PMP2: variants seen among roughly 807,000 people sequenced by gnomAD.
The protein encoded by PMP2 is myelin P2 protein.
A neutral mutation model predicts 15.9 loss-of-function variants in PMP2; 11 were observed. That is an observed-to-expected ratio of 0.69 (90% CI 0.44 to 1.14). PMP2 has a LOEUF of 1.14. Ranked by LOEUF, PMP2 falls within the 50% of genes most tolerant of loss-of-function variation. The pLI is 0.00. For missense variants in PMP2, 151 were observed against 154.0 expected, an observed-to-expected ratio of 0.98 and a Z score of 0.10; for synonymous variants, 55 against 54.1, an observed-to-expected ratio of 1.02 and a Z score of -0.07.
chr8:81,444,589 G>C lies in PMP2; in HGVS notation c.259C>G (p.Leu87Val), dbSNP rs759876657. The C allele has an allele frequency of 1.9e-6, 3 of 1,612,900 alleles. No homozygotes were observed. Among genetic ancestry groups the C allele is most frequent in the Non-Finnish European group, 2.5e-6 (3 of 1,179,328 alleles). Reference sequence around the variant, plus strand: ...ACTTGATTCAGTGATCCTCTCTGCAGGGTTACGATGCTCTGCAAAGACAAG... The same window carrying C: ...ACTTGATTCAGTGATCCTCTCTGCACGGTTACGATGCTCTGCAAAGACAAG... ...DNRKTKSIVTLQRGSLNQVQR... is the reference protein window; with the variant it reads ...DNRKTKSIVTVQRGSLNQVQR... The change falls in exon 3 of 4, where the codon CTG (leucine) becomes GTG (valine). Residue 87 changes from leucine (L) to valine (V), a missense_variant. Leu to Val is a conservative substitution (Grantham distance 32). Coordinates refer to ENST00000256103, the MANE Select transcript of PMP2 (RefSeq NM_002677.5).
intron 1 of PMP2, 134 bp downstream of exon 1, chr8:81,447,180 G>A: frequency 3.3e-6 from 2 of 610,836 alleles, no homozygotes; most frequent in Non-Finnish European, 3.0e-6. Context: ...CACAACAAAA[G>A]ATTAATCCTA....
chr8:81,441,742 T>G lies in PMP2; in HGVS notation c.*1656A>C, dbSNP rs995182124. On this transcript the variant is annotated 3_prime_UTR_variant, in exon 4 of 4. Coordinates refer to ENST00000256103, the MANE Select transcript of PMP2 (RefSeq NM_002677.5). The stretch of plus-strand genomic sequence containing the variant: ...ATTTTGCTCTCAGATTGGCTCAAGT[T>G]TGGCCAGTGGGAGCCCCTTCAAGCT... 6.6e-6 allele frequency: 1 copy of G among 152,142 alleles called. No individual in the cohort carries two copies. Among genetic ancestry groups the G allele is most frequent in the African/African-American group, 2.4e-5 (1 of 41,446 alleles). The allele number at this position is 152,142 out of a possible 1,614,324, so 9.4% of individuals were successfully genotyped here. A position where few individuals can be genotyped will look rare whatever the true frequency, so the allele number is the denominator to read the frequency against.
In PMP2 at chr8:81,441,155, G is replaced by C. The variant is rs1248571311; in HGVS notation, c.*2243C>G. The C allele has an allele frequency of 6.6e-6, 1 of 151,682 alleles. No homozygotes were observed. Among genetic ancestry groups the C allele is most frequent in the Admixed American group, 6.6e-5 (1 of 15,230 alleles). The allele number at this position is 151,682 out of a possible 1,614,324, so 9.4% of individuals were successfully genotyped here. On this transcript the variant is annotated 3_prime_UTR_variant, in exon 4 of 4. Coordinates refer to ENST00000256103, the MANE Select transcript of PMP2 (RefSeq NM_002677.5). ...CGTTTCTGGTTGTTGTTGTTACAGT[G>C]ATGTTGTTTCCTTCTCAGTGGGTCA...
chr8:81,446,786 A>G (rs11989391), intron 1 of PMP2, among the ~76,000 whole-genome samples: 3,433 of 152,268 alleles, frequency 0.023, 124 homozygotes, highest in African/African-American at 0.078. Context: ...CTATGAACAC[A>G]GTATTTTAGG....
In PMP2 at chr8:81,442,846, TCC is replaced by T. The variant is rs1033362264; in HGVS notation, c.*550_*551del. On this transcript the variant is annotated 3_prime_UTR_variant, in exon 4 of 4. Transcript: ENST00000256103. The stretch of plus-strand genomic sequence containing the variant: ...CTATAAATTATCTGTCTATAAATTA[TCC>T]ATTTTTACTTAACTGTCTATAAATT... 6.6e-6 allele frequency: 1 copy of T among 152,136 alleles called. No individual in the cohort carries two copies. Among genetic ancestry groups the T allele is most frequent in the African/African-American group, 2.4e-5 (1 of 41,444 alleles). 9.4% of individuals were successfully genotyped at this position (152,136 alleles called of 1,614,324 possible).
At chr8:81,443,847 A>G (rs901371529) in intron 3 of PMP2, among the ~76,000 whole-genome samples, 1 of 152,184 alleles carries the variant, frequency 6.6e-6, no homozygotes, top group Non-Finnish European at 1.5e-5. Context: ...CTCCCCAAGT[A>G]AATCTGTTGT....
rs185314748 is a variant in PMP2 at position 81,447,391 on chromosome 8, A to G, written c.-5T>C. The G allele has an allele frequency of 5.0e-5, 80 of 1,611,386 alleles. No individual in the cohort carries two copies. In the African/African-American group the frequency reaches 8.9e-4, roughly 18 times the overall value. On this transcript the variant is annotated 5_prime_UTR_variant, in exon 1 of 4. Coordinates refer to ENST00000256103, the MANE Select transcript of PMP2 (RefSeq NM_002677.5). ...GCCCAGGAATTTGTTGCTCATCGTG[A>G]TGGGTGAGAGCTCAACACAGTTCTA...
intron 1 of PMP2, among the ~76,000 whole-genome samples, chr8:81,446,367 T>A (rs954842319): frequency 5.9e-5 from 9 of 152,206 alleles, no homozygotes; most frequent in Admixed American, 5.9e-4. Context: ...AGTCTTTAAA[T>A]CTAACCGATC....
Position 81,443,319 on chromosome 8 carries a change from T to G in PMP2, c.*79A>C, listed in dbSNP as rs1807386548. 1.1e-6 allele frequency: 1 copy of G among 893,070 alleles called. No individual in the cohort carries two copies. The highest frequency in any genetic ancestry group is 1.7e-5 in the African/African-American group (1 of 58,922). The allele number at this position is 893,070 out of a possible 1,614,324, so 55.3% of individuals were successfully genotyped here. A position where few individuals can be genotyped will look rare whatever the true frequency, so the allele number is the denominator to read the frequency against. On this transcript the variant is annotated 3_prime_UTR_variant, in exon 4 of 4. Coordinates refer to ENST00000256103, the MANE Select transcript of PMP2 (RefSeq NM_002677.5). Reference sequence around the variant, plus strand: ...CAAAAGCAAAAACAAATATTTGCAGTGTATTCAGTTTTGTCAATGGAAGCA... The same window carrying G: ...CAAAAGCAAAAACAAATATTTGCAGGGTATTCAGTTTTGTCAATGGAAGCA...
At chr8:81,443,773 G>C (rs749970718) in intron 3 of PMP2, among the ~76,000 whole-genome samples, 2 of 152,124 alleles carry the variant, frequency 1.3e-5, no homozygotes, top group South Asian at 4.2e-4. Context: ...TATAGTGATG[G>C]TTCCTCCTCC....
Position 81,442,863 on chromosome 8 carries a change from GTC to G in PMP2, c.*533_*534del, listed in dbSNP as rs2129700075. 6.6e-6 allele frequency: 1 copy of G among 152,080 alleles called. No homozygotes were observed. The highest frequency in any genetic ancestry group is 2.1e-4 in the South Asian group (1 of 4,822). 9.4% of individuals were successfully genotyped at this position (152,080 alleles called of 1,614,324 possible). ...ATAAATTATCCATTTTTACTTAACT[GTC>G]TATAAATTTAACTGTCTATAAATTA... On this transcript the variant is annotated 3_prime_UTR_variant, in exon 4 of 4. Transcript: ENST00000256103.
chr8:81,444,443 A>G, intron 3 of PMP2, 57 bp downstream of exon 3: 1 of 1,056,058 alleles, frequency 9.5e-7, no homozygotes, highest in Non-Finnish European at 1.4e-6. Flanking sequence ...TGAAAACAAT[A>G]TAATCAAATT....
chr8:81,446,790 T>A (rs1807455917), intron 1 of PMP2, among the ~76,000 whole-genome samples: 1 of 152,176 alleles, frequency 6.6e-6, no homozygotes, highest in East Asian at 1.9e-4. Context: ...GAACACAGTA[T>A]TTTAGGAAGT....
At chr8:81,445,065 C>G (rs985327163) in intron 1 of PMP2, 76 bp from the exon 2 acceptor site, 1 of 1,236,348 alleles carries the variant, frequency 8.1e-7, no homozygotes, top group African/African-American at 1.5e-5. Context: ...CCACATCCTA[C>G]GCTCAGTGGT....
intron 1 of PMP2, among the ~76,000 whole-genome samples, 187 bp downstream of exon 1, chr8:81,447,127 T>C (rs2129715537): frequency 6.6e-6 from 1 of 152,286 alleles, no homozygotes; most frequent in South Asian, 2.1e-4. Context: ...TTAATTCTAT[T>C]AAAAATTACC....
In PMP2 at chr8:81,444,854, T is replaced by G. The variant is rs201897444; in HGVS notation, c.209A>C (p.Glu70Ala). The part of the protein sequence containing the change: ...NTEISFKLGQ[E>A]FEETTADNRK... ...ATTGTCAGCTGTGGTTTCTTCAAAT[T>G]CCTGGCCTAGCTTGAAGGAGATTTC... The change falls in exon 2 of 4, where the codon GAA (glutamate) becomes GCA (alanine). Residue 70 changes from glutamate to alanine, a missense_variant. Transcript: ENST00000256103. 1 of 1,613,914 alleles carries G rather than the reference T, an allele frequency of 6.2e-7. No individual in the cohort carries two copies. Among genetic ancestry groups the G allele is most frequent in the East Asian group, 2.2e-5 (1 of 44,880 alleles).
chr8:81,445,118 G>C (rs1169766042), intron 1 of PMP2, 129 bp from the exon 2 acceptor site: 11 of 609,830 alleles, frequency 1.8e-5, no homozygotes, highest in Middle Eastern at 4.4e-4. Context: ...TTACTACTAA[G>C]CATCTCCTCC....
chr8:81,443,557 G>A, intron 3 of PMP2, 109 bp from the exon 4 acceptor site: 1 of 646,100 alleles, frequency 1.5e-6, no homozygotes, highest in Non-Finnish European at 2.6e-6. Context: ...ATTTAGAAAG[G>A]AATAAAATAT....
At chr8:81,444,272 AT>A (rs1325252162) in intron 3 of PMP2, among the ~76,000 whole-genome samples, 4 of 152,238 alleles carry the variant, frequency 2.6e-5, no homozygotes, top group African/African-American at 9.6e-5. Context: ...ATTTTTAGGT[AT>A]TTTTATTTGT....
Sources: gnomAD v4.1 joint callset for allele counts (sites outside exome capture counted in the v4.1 genomes callset) on GRCh38, gnomAD v4.1.1 for gene constraint, MANE v1.5 for transcripts, NCBI Gene and HGNC (gene_info 2026-07-23, HGNC 2026-07-21) for gene names.